The following OLFML2B variants were observed in gnomAD, a reference collection of about 807,000 sequenced individuals.
OLFML2B encodes olfactomedin-like protein 2B.
In OLFML2B, 57 loss-of-function variants were observed where a neutral mutation model predicts 74.9. That is an observed-to-expected ratio of 0.76 (90% CI 0.61 to 0.95). The LOEUF is 0.95. OLFML2B is among the 40% of genes least tolerant of loss of function. The probability of loss-of-function intolerance (pLI) is 0.00; values close to 1 mark genes in which losing one functional copy is unlikely to be tolerated. For synonymous variants in OLFML2B, 388 were observed against 405.8 expected, an observed-to-expected ratio of 0.96 and a Z score of 0.53; for missense variants, 986 against 970.6, an observed-to-expected ratio of 1.02 and a Z score of -0.21.
chr1:162,010,155 C>T (rs748461251), intron 3 of OLFML2B, among the ~76,000 whole-genome samples: 3 of 152,210 alleles, frequency 2.0e-5, no homozygotes, highest in East Asian at 1.9e-4. Context: ...AGATAGAGGG[C>T]TCAGACAGAA....
intron 4 of OLFML2B, among the ~76,000 whole-genome samples, chr1:162,003,490 C>A (rs1242548366): frequency 6.6e-6 from 1 of 152,226 alleles, no homozygotes; most frequent in Non-Finnish European, 1.5e-5. Flanking sequence ...ACAGCCCTTG[C>A]CAGAGAACAT....
chr1:162,017,281 T>C (rs377099599), intron 3 of OLFML2B, 119 bp downstream of exon 3: 2 of 692,412 alleles, frequency 2.9e-6, no homozygotes, highest in African/African-American at 1.8e-5. Flanking sequence ...TTCCCTTTCA[T>C]AGAATAGGAT....
intron 2 of OLFML2B, among the ~76,000 whole-genome samples, chr1:162,017,946 G>A (rs760732863): frequency 6.6e-6 from 1 of 152,146 alleles, no homozygotes; most frequent in Non-Finnish European, 1.5e-5. Flanking sequence ...GGAATACTAT[G>A]CAGCCATGAA....
At chr1:162,020,609 C>T (rs976195311) in intron 1 of OLFML2B, among the ~76,000 whole-genome samples, 1 of 152,010 alleles carries the variant, frequency 6.6e-6, no homozygotes, top group Non-Finnish European at 1.5e-5. Flanking sequence ...TCACTGCAAC[C>T]TCCACCTCCC....
chr1:162,011,204 C>A (rs1283944899), intron 3 of OLFML2B, among the ~76,000 whole-genome samples: 4 of 152,300 alleles, frequency 2.6e-5, no homozygotes, highest in Admixed American at 2.0e-4. Context: ...AGGAGGCTGC[C>A]TGGGAGGCTG....
At chr1:162,004,273 C>G (rs892670135) in intron 4 of OLFML2B, among the ~76,000 whole-genome samples, 3 of 152,142 alleles carry the variant, frequency 2.0e-5, no homozygotes, top group Non-Finnish European at 4.4e-5. Flanking sequence ...TGTCTTCTGG[C>G]TCCTTGGTTT....
At position 161,994,404 on chromosome 1, in the gene OLFML2B, C is replaced by G. The variant is rs1013412471; in HGVS notation, c.1474+3421G>C. On this transcript the variant is annotated intron_variant, in intron 6 of 7. Coordinates refer to ENST00000294794, the MANE Select transcript of OLFML2B (RefSeq NM_015441.3). ...TGTGGGGGAGACATTCTTCATAGTT[C>G]ATGGTATTTTCTAGATTCAAATAGG... 2.0e-5 allele frequency among the ~76,000 whole-genome samples: 3 copies of G among 152,262 alleles called. No homozygotes were observed. In the East Asian group the frequency reaches 5.8e-4, roughly 29 times the overall value.
At chr1:162,021,099 G>T (rs762914907) in intron 1 of OLFML2B, among the ~76,000 whole-genome samples, 1 of 152,228 alleles carries the variant, frequency 6.6e-6, no homozygotes, top group African/African-American at 2.4e-5. Context: ...AGCTAAGAGC[G>T]GCTCCAACTG....
rs944465885 is a variant in OLFML2B, at chr1:162,000,234, C to T, written c.828G>A (p.Gln276=). ...PLALPEVVKS[Q]RPLQRQVHLR... ...GGTGGACCTGCCTCTGCAGGGGCCGCTGTGACTTCACCACCTCAGGCAGAG... is the reference window on the plus strand; with the variant it reads ...GGTGGACCTGCCTCTGCAGGGGCCGTTGTGACTTCACCACCTCAGGCAGAG... The change falls in exon 5 of 8, where the codon CAG becomes CAA. Residue 276 remains glutamine (Q), a synonymous_variant. Coordinates refer to ENST00000294794, the MANE Select transcript of OLFML2B (RefSeq NM_015441.3). 6.2e-7 allele frequency: 1 copy of T among 1,613,820 alleles called. No homozygotes were observed. Among genetic ancestry groups the T allele is most frequent in the Non-Finnish European group, 8.5e-7 (1 of 1,180,046 alleles).
At chr1:161,990,862 A>G (rs1271255001) in intron 6 of OLFML2B, among the ~76,000 whole-genome samples, 1 of 152,250 alleles carries the variant, frequency 6.6e-6, no homozygotes, top group Non-Finnish European at 1.5e-5. Context: ...TTTATGTAAT[A>G]TTCAAAATCC....
intron 5 of OLFML2B, among the ~76,000 whole-genome samples, chr1:161,999,845 G>A (rs1052277625): frequency 2.6e-5 from 4 of 152,140 alleles, no homozygotes; most frequent in Non-Finnish European, 4.4e-5. Flanking sequence ...GGGGAGGACT[G>A]TACTGGAGGG....
Position 162,023,504 on chromosome 1 carries a change from C to A in OLFML2B, c.-74G>T. On this transcript the variant is annotated 5_prime_UTR_variant, in exon 1 of 8. Coordinates refer to ENST00000294794, the MANE Select transcript of OLFML2B (RefSeq NM_015441.3). ...CGGGGGGTCTCGGCAAGGACTTCTG[C>A]GAGAGGGTGTCCTCGCTAGAGCCCG... The A allele has an allele frequency of 7.3e-7, 1 of 1,371,900 alleles. No individual in the cohort carries two copies. Among genetic ancestry groups the A allele is most frequent in the Non-Finnish European group, 9.6e-7 (1 of 1,044,104 alleles). 85.0% of individuals were successfully genotyped at this position (1,371,900 alleles called of 1,614,324 possible). A position where few individuals can be genotyped will look rare whatever the true frequency, so the allele number is the denominator to read the frequency against.
intron 3 of OLFML2B, among the ~76,000 whole-genome samples, chr1:162,008,022 G>A (rs919388928): frequency 2.0e-5 from 3 of 152,138 alleles, no homozygotes; most frequent in Admixed American, 6.5e-5. Context: ...TCCCGGGTGC[G>A]CAGTCACTCC....
intron 4 of OLFML2B, among the ~76,000 whole-genome samples, chr1:162,003,541 G>T (rs914395069): frequency 2.0e-5 from 3 of 152,076 alleles, no homozygotes; most frequent in African/African-American, 7.2e-5. Context: ...TGCACTGGGC[G>T]GCAGCGGCCC....
chr1:162,017,351 C>A (rs78719065), intron 3 of OLFML2B, 49 bp downstream of exon 3: 2 of 1,428,904 alleles, frequency 1.4e-6, no homozygotes, highest in East Asian at 4.6e-5. Flanking sequence ...GTTTGATATG[C>A]TTTTGGGCTC....
intron 6 of OLFML2B, among the ~76,000 whole-genome samples, chr1:161,992,555 AG>A (rs1243030095): frequency 6.6e-6 from 1 of 152,196 alleles, no homozygotes; most frequent in Non-Finnish European, 1.5e-5. Context: ...TGACATTTCC[AG>A]CTTTTGATTT....
chr1:161,983,954 T>C lies in OLFML2B; in HGVS notation c.1974A>G (p.Thr658=). The part of the protein sequence containing the change: ...LSKLNAADLS[T]QKETTWRTGL... ...CCGTGCGCCATGTGGTCTCCTTCTGTGTGCTCAGGTCCGCGGCATTGAGCT... is the reference window on the plus strand; with the variant it reads ...CCGTGCGCCATGTGGTCTCCTTCTGCGTGCTCAGGTCCGCGGCATTGAGCT... The change falls in exon 8 of 8, where the codon ACA becomes ACG. Residue 658 remains threonine, a synonymous_variant. Coordinates refer to ENST00000294794, the MANE Select transcript of OLFML2B (RefSeq NM_015441.3). The C allele has an allele frequency of 6.2e-7, 1 of 1,614,204 alleles. No individual in the cohort carries two copies. Among genetic ancestry groups the C allele is most frequent in the Non-Finnish European group, 8.5e-7 (1 of 1,180,030 alleles).
intron 3 of OLFML2B, among the ~76,000 whole-genome samples, chr1:162,013,264 C>A (rs1376661780): frequency 6.6e-6 from 1 of 152,200 alleles, no homozygotes; most frequent in African/African-American, 2.4e-5. Flanking sequence ...CCTTCCCAGC[C>A]ACTCACAGGA....
intron 6 of OLFML2B, among the ~76,000 whole-genome samples, chr1:161,989,960 A>G (rs1306620340): frequency 1.3e-5 from 2 of 152,254 alleles, no homozygotes; most frequent in African/African-American, 4.8e-5. Flanking sequence ...CAAATGGTCA[A>G]GGAACCCTAT....
Sources: gnomAD v4.1 joint callset for allele counts (sites outside exome capture counted in the v4.1 genomes callset) on GRCh38, gnomAD v4.1.1 for gene constraint, MANE v1.5 for transcripts, NCBI Gene and HGNC (gene_info 2026-07-23, HGNC 2026-07-21) for gene names.